The following PDE4D variants were observed in gnomAD, a reference collection of about 807,000 sequenced individuals.
PDE4D encodes the protein 3',5'-cyclic-AMP phosphodiesterase 4D.
Under a neutral mutation model 87.4 loss-of-function variants are expected in PDE4D, and 24 were observed. The observed-to-expected ratio is 0.27, with a 90% confidence interval of 0.20 to 0.39. The LOEUF is 0.39. PDE4D is among the 10% of genes least tolerant of loss of function. PDE4D has a pLI of 1.00. For missense variants in PDE4D, 714 were observed against 1,041.0 expected, an observed-to-expected ratio of 0.69 and a Z score of 4.32; for synonymous variants, 384 against 383.2, an observed-to-expected ratio of 1.00 and a Z score of -0.02.
intron 2 of PDE4D, among the ~76,000 whole-genome samples, chr5:60,065,642 G>A (rs1219288523): frequency 1.3e-5 from 2 of 151,918 alleles, no homozygotes; most frequent in Non-Finnish European, 2.9e-5. Context: ...CTGTGTCCAT[G>A]TGTTCTCATT....
intron 1 of PDE4D, among the ~76,000 whole-genome samples, chr5:59,224,755 T>C (rs1190115650): frequency 6.6e-6 from 1 of 152,134 alleles, no homozygotes; most frequent in African/African-American, 2.4e-5. Flanking sequence ...CTGGTGTTCT[T>C]ATAAGAACAG....
intron 1 of PDE4D, among the ~76,000 whole-genome samples, chr5:59,539,984 C>T (rs1182166400): frequency 1.3e-5 from 2 of 152,162 alleles, no homozygotes; most frequent in Non-Finnish European, 2.9e-5. Flanking sequence ...CAGACTCTAG[C>T]ATACATCAGA....
chr5:60,352,704 G>T (rs769164428), intron 1 of PDE4D, among the ~76,000 whole-genome samples: 2 of 152,268 alleles, frequency 1.3e-5, no homozygotes, highest in Middle Eastern at 3.4e-3. Flanking sequence ...ACTCAATTTT[G>T]TTGGGCTTCA....
At chr5:59,943,443 A>G (rs1387430864) in intron 3 of PDE4D, among the ~76,000 whole-genome samples, 1 of 152,304 alleles carries the variant, frequency 6.6e-6, no homozygotes, top group East Asian at 1.9e-4. Context: ...CTCTTCCATC[A>G]GACCCACATT....
At position 59,792,514 on chromosome 5, in the gene PDE4D, A is replaced by G. The variant is rs558549249; in HGVS notation, c.455+100654T>C. 2.0e-5 allele frequency among the ~76,000 whole-genome samples: 3 copies of G among 152,002 alleles called. No homozygotes were observed. The East Asian group carries it at 5.8e-4, about 29-fold the overall frequency. Reference sequence around the variant, plus strand: ...GAAAAAGCACTAACAAGGGTGGCCAATGCAACAATGCATGTGATGTATTTG... The same window carrying G: ...GAAAAAGCACTAACAAGGGTGGCCAGTGCAACAATGCATGTGATGTATTTG... On this transcript the variant is annotated intron_variant, in intron 1 of 14. Coordinates refer to ENST00000340635, the MANE Select transcript of PDE4D (RefSeq NM_001104631.2).
At chr5:60,207,265 G>T (rs1742652040) in intron 1 of PDE4D, among the ~76,000 whole-genome samples, 1 of 152,286 alleles carries the variant, frequency 6.6e-6, no homozygotes, top group East Asian at 1.9e-4. Flanking sequence ...AGGCAGCTGA[G>T]GTAAATAACC....
intron 1 of PDE4D, among the ~76,000 whole-genome samples, chr5:59,774,881 G>A (rs1280305893): frequency 1.3e-5 from 2 of 151,884 alleles, no homozygotes; most frequent in African/African-American, 4.8e-5. Context: ...TTTTAGTAGA[G>A]ACAGGGTTTC....
chr5:60,105,517 C>G (rs1776790236), intron 2 of PDE4D, among the ~76,000 whole-genome samples: 1 of 152,070 alleles, frequency 6.6e-6, no homozygotes, highest in Non-Finnish European at 1.5e-5. Flanking sequence ...GAGAACGCCA[C>G]AAAGATACTC....
chr5:60,461,419 C>G (rs1746934812), intron 1 of PDE4D, among the ~76,000 whole-genome samples: 1 of 152,214 alleles, frequency 6.6e-6, no homozygotes, highest in African/African-American at 2.4e-5. Flanking sequence ...GGAAAGTGCA[C>G]CTAGCCCAGG....
intron 1 of PDE4D, among the ~76,000 whole-genome samples, chr5:60,502,177 G>A (rs1233949297): frequency 1.3e-5 from 2 of 152,040 alleles, no homozygotes; most frequent in Admixed American, 1.3e-4. Flanking sequence ...ATTAATTTTT[G>A]TATAAGGTGT....
At chr5:59,496,313 G>GT (rs1462358433) in intron 1 of PDE4D, among the ~76,000 whole-genome samples, 11 of 152,116 alleles carry the variant, frequency 7.2e-5, no homozygotes, top group East Asian at 3.9e-4. Context: ...GGGTCTTGGG[G>GT]TTTTTATAGG....
chr5:59,460,060 T>C (rs2153645635), intron 1 of PDE4D, among the ~76,000 whole-genome samples: 2 of 151,986 alleles, frequency 1.3e-5, no homozygotes, highest in Middle Eastern at 3.4e-3. Flanking sequence ...ATGATGTCCA[T>C]ATGGAAAAAA....
chr5:59,122,195 A>G (rs1374703019), intron 5 of PDE4D, among the ~76,000 whole-genome samples: 1 of 151,148 alleles, frequency 6.6e-6, no homozygotes, highest in Non-Finnish European at 1.5e-5. Context: ...AAGAAAGAAA[A>G]CATGGTATAC....
intron 1 of PDE4D, among the ~76,000 whole-genome samples, chr5:59,837,380 T>A (rs1742283718): frequency 6.6e-6 from 1 of 152,022 alleles, no homozygotes; most frequent in Non-Finnish European, 1.5e-5. Flanking sequence ...CTGTTTTAGG[T>A]GTTGACATTT....
chr5:59,327,132 TACACACACACACACACACACACACACAC>T (rs3061651), intron 1 of PDE4D, among the ~76,000 whole-genome samples: 3 of 141,780 alleles, frequency 2.1e-5, no homozygotes, highest in African/African-American at 7.9e-5. Context: ...GAAACAGAAA[TACACACACACACACACACACACACACAC>T]ACACACACAC....
intron 1 of PDE4D, among the ~76,000 whole-genome samples, chr5:59,755,850 T>A (rs1237575431): frequency 6.7e-6 from 1 of 150,136 alleles, no homozygotes; most frequent in African/African-American, 2.4e-5. Flanking sequence ...AAATTAGCCA[T>A]GTATGAAAAA....
chr5:59,756,118 G>A (rs114860348), intron 1 of PDE4D, among the ~76,000 whole-genome samples: 2,264 of 151,644 alleles, frequency 0.015, 64 homozygotes, highest in African/African-American at 0.052. Context: ...TTGGAAAAAT[G>A]GTACTTAATT....
At chr5:60,498,579 G>A (rs1269678382) in intron 1 of PDE4D, among the ~76,000 whole-genome samples, 1 of 152,210 alleles carries the variant, frequency 6.6e-6, no homozygotes, top group African/African-American at 2.4e-5. Flanking sequence ...CTGGCTGTGG[G>A]CAGAGGGCTT....
At chr5:59,789,388 G>C (rs935537453) in intron 1 of PDE4D, among the ~76,000 whole-genome samples, 1 of 152,206 alleles carries the variant, frequency 6.6e-6, no homozygotes, top group African/African-American at 2.4e-5. Flanking sequence ...ATGTTCCCAG[G>C]AAGAAGCTAC....
Sources: allele counts gnomAD v4.1 joint callset (sites outside exome capture counted in the v4.1 genomes callset), GRCh38; gene constraint gnomAD v4.1.1; transcripts MANE v1.5; gene names NCBI Gene and HGNC (gene_info 2026-07-23, HGNC 2026-07-21).